Variants in COL4A3 observed in about 807,000 individuals in gnomAD.
COL4A3 encodes the protein collagen type IV alpha 3 chain, also known as collagen alpha-3(IV) chain.
In COL4A3, 135 loss-of-function variants were observed where a neutral mutation model predicts 217.4. The ratio of observed to expected loss-of-function variants is 0.62; its 90% CI spans 0.54 to 0.72. The LOEUF (loss-of-function observed/expected upper bound fraction) is 0.72, where lower values mean the gene tolerates loss of function less well. Among genes scored for constraint, COL4A3 ranks in the 30% least tolerant of loss-of-function variants. The pLI is 0.00. For missense variants in COL4A3, 1,868 were observed against 2,119.9 expected (o/e 0.88, Z 2.33); for synonymous variants, 690 against 736.3 (o/e 0.94, Z 1.02).
intron 34 of COL4A3, among the ~76,000 whole-genome samples, 176 bp downstream of exon 34, chr2:227,284,521 G>A (rs1677510157): frequency 1.3e-5 from 2 of 152,126 alleles, no homozygotes; most frequent in Admixed American, 6.6e-5. Flanking sequence ...CACCTTCCAC[G>A]ACATGTTGCC....
intron 50 of COL4A3, among the ~76,000 whole-genome samples, chr2:227,309,544 T>C (rs186460056): frequency 6.6e-6 from 1 of 152,300 alleles, no homozygotes. Flanking sequence ...ACAAATTCTA[T>C]TATGAAATTT....
chr2:227,171,354 G>C (rs2065466447), intron 1 of COL4A3, among the ~76,000 whole-genome samples: 1 of 152,164 alleles, frequency 6.6e-6, no homozygotes, highest in South Asian at 2.1e-4. Flanking sequence ...TAAATTCCTA[G>C]TGCCATGCTC....
rs1284832317 is a variant in COL4A3 at position 227,283,871 on chromosome 2, G to C, written c.2746+15G>C. Reference sequence around the variant, plus strand: ...AGGGCAGAGGGGTAAGTGATAGAGTGTCTTTCTAAATAGCAGGAAGCATAA... The same window carrying C: ...AGGGCAGAGGGGTAAGTGATAGAGTCTCTTTCTAAATAGCAGGAAGCATAA... On this transcript the variant is annotated intron_variant, in intron 33 of 51. Transcript: ENST00000396578. The C allele has an allele frequency of 6.3e-7, 1 of 1,596,332 alleles. No individual in the cohort carries two copies. The highest frequency in any genetic ancestry group is 8.6e-7 in the Non-Finnish European group (1 of 1,164,010).
intron 34 of COL4A3, among the ~76,000 whole-genome samples, chr2:227,284,725 TCAA>T (rs1382358601): frequency 1.3e-5 from 2 of 152,200 alleles, no homozygotes; most frequent in African/African-American, 4.8e-5. Context: ...CATCTCAAAT[TCAA>T]CTTTATTCTG....
At chr2:227,171,974 G>A (rs996209230) in intron 1 of COL4A3, among the ~76,000 whole-genome samples, 3 of 152,292 alleles carry the variant, frequency 2.0e-5, no homozygotes, top group African/African-American at 2.4e-5. Flanking sequence ...GTCCGCATGC[G>A]CAGTGGCCTG....
chr2:227,229,196 G>A (rs1354389120), intron 1 of COL4A3, among the ~76,000 whole-genome samples: 1 of 152,148 alleles, frequency 6.6e-6, no homozygotes. Context: ...AGAGAAGAGT[G>A]TGAGACCCAA....
intron 1 of COL4A3, among the ~76,000 whole-genome samples, chr2:227,168,062 T>C (rs1443636164): frequency 4.6e-5 from 7 of 152,258 alleles, no homozygotes; most frequent in Admixed American, 3.9e-4. Context: ...TATGATGTAT[T>C]TGTAGTAATA....
At chr2:227,300,083 C>T (rs1464154028) in intron 43 of COL4A3, among the ~76,000 whole-genome samples, 1 of 152,182 alleles carries the variant, frequency 6.6e-6, no homozygotes, top group Non-Finnish European at 1.5e-5. Context: ...ATTTATCAGC[C>T]TTGCCTCTAT....
At chr2:227,224,631 T>G (rs2067988337) in intron 1 of COL4A3, among the ~76,000 whole-genome samples, 1 of 152,024 alleles carries the variant, frequency 6.6e-6, no homozygotes, top group Non-Finnish European at 1.5e-5. Context: ...GGCAGGCGCC[T>G]GTAATCCCAG....
chr2:227,304,133 C>A lies in COL4A3; in HGVS notation c.4142C>A (p.Pro1381His). 1 of 1,614,060 alleles carries A rather than the reference C, an allele frequency of 6.2e-7. No individual in the cohort carries two copies. Among genetic ancestry groups the A allele is most frequent in the Non-Finnish European group, 8.5e-7 (1 of 1,179,968 alleles). Residue 1381 changes from proline to histidine, a missense_variant, in exon 46 of 52, where the codon CCT becomes CAT. Physicochemically the swap from Pro to His is moderately conservative, Grantham distance 77 (BLOSUM62 -2). This residue lies in a region of COL4A3 where 1,503 missense variants were observed against 1,786.1 expected (regional missense o/e 0.84). Transcript: ENST00000396578. ...MQGEPGPPGP[P>H]GNLGPCGPRG... Reference sequence around the variant, plus strand: ...GGAGAACCTGGGCCACCAGGGCCACCTGGAAACCTAGGTGTGGGACTGGCA... The same window carrying A: ...GGAGAACCTGGGCCACCAGGGCCACATGGAAACCTAGGTGTGGGACTGGCA...
Position 227,304,059 on chromosome 2 carries a change from T to C in COL4A3, c.4068T>C (p.Leu1356=), listed in dbSNP as rs2106270805. 1 of 1,614,092 alleles carries C rather than the reference T, an allele frequency of 6.2e-7. No individual in the cohort carries two copies. The highest frequency in any genetic ancestry group is 1.3e-5 in the African/African-American group (1 of 75,044). The change falls in exon 46 of 52, where the codon CTT becomes CTC. Residue 1356 remains leucine, a synonymous_variant. Coordinates refer to ENST00000396578, the MANE Select transcript of COL4A3 (RefSeq NM_000091.5). ...GDPGTLKIIS[L]PGSPGPPGTP... is the part of the protein sequence containing the mutation. ...CTGGCACACTTAAGATTATCTCCCT[T>C]CCAGGAAGCCCAGGGCCACCTGGCA...
At chr2:227,178,039 C>T (rs1038679454) in intron 1 of COL4A3, among the ~76,000 whole-genome samples, 2 of 152,064 alleles carry the variant, frequency 1.3e-5, no homozygotes, top group African/African-American at 4.8e-5. Context: ...CTGAGATCTA[C>T]GGTAAGAACA....
rs1005098870 is a variant in COL4A3 at position 227,220,514 on chromosome 2, G to A, written c.88-17454G>A. Reference sequence around the variant, plus strand: ...AGAGTCTTGCTCCACTGCACAGGCTGGAGTGCAGTGGTGGAGCCAACTGCA... The same window carrying A: ...AGAGTCTTGCTCCACTGCACAGGCTAGAGTGCAGTGGTGGAGCCAACTGCA... On this transcript the variant is annotated intron_variant, in intron 1 of 51. Coordinates refer to ENST00000396578, the MANE Select transcript of COL4A3 (RefSeq NM_000091.5). Among the ~76,000 whole-genome samples, 19 of 151,968 alleles carry A rather than the reference G, an allele frequency of 1.3e-4. No individual in the cohort carries two copies. The South Asian group carries it at 3.7e-3, about 30-fold the overall frequency.
chr2:227,310,933 C>G lies in COL4A3; in HGVS notation c.4913C>G (p.Pro1638Arg). Residue 1638 changes from proline (P) to arginine (R), a missense_variant, in exon 51 of 52, where the codon CCA becomes CGA. This residue lies in a region of COL4A3 where 1,503 missense variants were observed against 1,786.1 expected (regional missense o/e 0.84). Transcript: ENST00000396578. ...SYSFWLASLN[P>R]ERMFRKPIPS... ...AGTTTCTGGCTGGCTTCATTAAACC[C>G]AGAAAGAATGTTCAGGTAACTATTC... The G allele has an allele frequency of 6.2e-7, 1 of 1,613,728 alleles. No homozygotes were observed. Among genetic ancestry groups the G allele is most frequent in the Non-Finnish European group, 8.5e-7 (1 of 1,179,998 alleles).
intron 1 of COL4A3, among the ~76,000 whole-genome samples, chr2:227,198,223 T>C (rs906362280): frequency 6.6e-6 from 1 of 152,192 alleles, no homozygotes; most frequent in African/African-American, 2.4e-5. Context: ...ACTTCCTGAT[T>C]GTAACCACTC....
intron 34 of COL4A3, among the ~76,000 whole-genome samples, chr2:227,287,305 C>T (rs948381146): frequency 1.3e-5 from 2 of 152,238 alleles, no homozygotes; most frequent in Non-Finnish European, 2.9e-5. Flanking sequence ...GTGGCACACG[C>T]CTGTAATCCC....
At position 227,253,686 on chromosome 2, in the gene COL4A3, AT is replaced by A. The variant is rs772717244; in HGVS notation, c.765+49del. On this transcript the variant is annotated intron_variant, in intron 13 of 51. Coordinates refer to ENST00000396578, the MANE Select transcript of COL4A3 (RefSeq NM_000091.5). The surrounding 1 kb of genome is among the most constrained non-coding windows in gnomAD (Gnocchi z 4.4). ...AGTGTTGTGCCTTCCCGTGTCTAGG[AT>A]GAAGTCCTTGTGACCCTGCACCTCT... The A allele has an allele frequency of 6.6e-7, 1 of 1,506,458 alleles. No homozygotes were observed. The highest frequency in any genetic ancestry group is 9.2e-7 in the Non-Finnish European group (1 of 1,081,830). 93.3% of individuals were successfully genotyped at this position (1,506,458 alleles called of 1,614,324 possible).
At chr2:227,243,352 A>G (rs1212250526) in intron 3 of COL4A3, among the ~76,000 whole-genome samples, 3 of 152,224 alleles carry the variant, frequency 2.0e-5, no homozygotes, top group Non-Finnish European at 4.4e-5. Flanking sequence ...CCTGACCAAA[A>G]AGATGTTTTA....
In COL4A3 at chr2:227,314,396, G is replaced by A. The variant is rs2073836777; in HGVS notation, c.*2526G>A. Reference sequence around the variant, plus strand: ...GCTTATGAGTAGCTTATACAATTATGAAGATTTAATATTACAGATAAAATG... The same window carrying A: ...GCTTATGAGTAGCTTATACAATTATAAAGATTTAATATTACAGATAAAATG... On this transcript the variant is annotated 3_prime_UTR_variant, in exon 52 of 52. Coordinates refer to ENST00000396578, the MANE Select transcript of COL4A3 (RefSeq NM_000091.5). 6.6e-6 allele frequency: 1 copy of A among 152,630 alleles called. No individual in the cohort carries two copies. Among genetic ancestry groups the A allele is most frequent in the Admixed American group, 6.5e-5 (1 of 15,284 alleles). The allele number at this position is 152,630 out of a possible 1,614,324, so 9.5% of individuals were successfully genotyped here.
Sources: allele counts gnomAD v4.1 joint callset (sites outside exome capture counted in the v4.1 genomes callset), GRCh38; gene constraint gnomAD v4.1.1; regional missense constraint gnomAD v4.1.1; non-coding constraint Gnocchi (gnomAD v3.1); transcripts MANE v1.5; gene names NCBI Gene and HGNC (gene_info 2026-07-23, HGNC 2026-07-21).